NR2F1-AS1: variants seen among roughly 807,000 people sequenced by gnomAD.
NR2F1-AS1 encodes NR2F1 antisense RNA 1.
intron 1 of NR2F1-AS1, among the ~76,000 whole-genome samples, chr5:93,574,509 C>T (rs575098082): frequency 1.1e-4 from 16 of 152,048 alleles, no homozygotes; most frequent in Non-Finnish European, 1.8e-4. Context: ...AGAGTCAGAC[C>T]GCCAAAACAG....
chr5:93,520,751 G>A (rs1751484169), intron 4 of NR2F1-AS1, among the ~76,000 whole-genome samples: 1 of 152,012 alleles, frequency 6.6e-6, no homozygotes, highest in African/African-American at 2.4e-5. Flanking sequence ...AGACACAGCT[G>A]AAAAAACAGA....
At chr5:93,501,579 C>T (rs1210293378) in intron 4 of NR2F1-AS1, among the ~76,000 whole-genome samples, 1 of 151,976 alleles carries the variant, frequency 6.6e-6, no homozygotes, top group Admixed American at 6.6e-5. Context: ...GTCTCGAACT[C>T]CTGACCTCAA....
intron 4 of NR2F1-AS1, among the ~76,000 whole-genome samples, chr5:93,478,891 T>C (rs1320771159): frequency 1.3e-5 from 2 of 152,212 alleles, no homozygotes; most frequent in African/African-American, 2.4e-5. Context: ...ACTATATAAC[T>C]CATTCAAACT....
At chr5:93,570,414 A>T (rs1463925354) in intron 1 of NR2F1-AS1, 2 of 152,638 alleles carry the variant, frequency 1.3e-5, no homozygotes, top group African/African-American at 4.8e-5. Context: ...GGGGGAGGAA[A>T]GAGGCTAAAT....
intron 4 of NR2F1-AS1, among the ~76,000 whole-genome samples, chr5:93,412,486 G>A (rs1326287174): frequency 6.6e-6 from 1 of 152,210 alleles, no homozygotes; most frequent in Non-Finnish European, 1.5e-5. Context: ...AGAAGATGGT[G>A]AGACTGGAAT....
Position 93,482,342 on chromosome 5 carries a change from A to G in NR2F1-AS1, n.638+71419T>C, listed in dbSNP as rs768570700. ...GGGCATCACCTCACCCAGGAAGTGC[A>G]AGGGGTCGGTGAACTCCCTCCCCTA... On this transcript the variant is annotated intron_variant and non_coding_transcript_variant, in intron 4 of 5. Transcript: ENST00000660523. 7.2e-5 allele frequency among the ~76,000 whole-genome samples: 11 copies of G among 152,248 alleles called. No individual in the cohort carries two copies. In the South Asian group the frequency reaches 8.3e-4, roughly 12 times the overall value.
chr5:93,582,611 T>C (rs1351388249), upstream of NR2F1-AS1, among the ~76,000 whole-genome samples: 1 of 152,276 alleles, frequency 6.6e-6, no homozygotes, highest in East Asian at 1.9e-4. Context: ...CCATTAAAAA[T>C]TTTTCCAAAC....
chr5:93,499,973 G>A (rs928452623), intron 4 of NR2F1-AS1, among the ~76,000 whole-genome samples: 1 of 152,142 alleles, frequency 6.6e-6, no homozygotes, highest in African/African-American at 2.4e-5. Context: ...AGGTGAAGAA[G>A]CTGCGAAAGA....
intron 4 of NR2F1-AS1, among the ~76,000 whole-genome samples, chr5:93,419,522 G>T (rs766005474): frequency 2.8e-4 from 43 of 152,054 alleles, no homozygotes; most frequent in Non-Finnish European, 5.7e-4. Flanking sequence ...CAGTGCCTGT[G>T]AATAACCACT....
intron 4 of NR2F1-AS1, among the ~76,000 whole-genome samples, chr5:93,490,479 C>T (rs984346147): frequency 3.5e-4 from 49 of 138,314 alleles, no homozygotes; most frequent in African/African-American, 1.2e-3. Context: ...GGGGTAGTGG[C>T]GGTGGCAGTG....
chr5:93,438,368 T>C (rs972901060), intron 4 of NR2F1-AS1, among the ~76,000 whole-genome samples: 1 of 152,174 alleles, frequency 6.6e-6, no homozygotes, highest in African/African-American at 2.4e-5. Flanking sequence ...AGCATCACTA[T>C]ATACCCACTG....
intron 4 of NR2F1-AS1, among the ~76,000 whole-genome samples, chr5:93,544,439 C>A (rs559340323): frequency 6.6e-6 from 1 of 152,192 alleles, no homozygotes; most frequent in African/African-American, 2.4e-5. Context: ...ATAATTTAAT[C>A]TTGGAGAAGA....
chr5:93,570,709 A>T (rs1752736351), intron 1 of NR2F1-AS1: 1 of 152,130 alleles, frequency 6.6e-6, no homozygotes, highest in Non-Finnish European at 1.5e-5. Flanking sequence ...GGGCGAGAGC[A>T]CGGCCTCTAG....
At chr5:93,467,281 T>A (rs1750259327) in intron 4 of NR2F1-AS1, among the ~76,000 whole-genome samples, 1 of 152,138 alleles carries the variant, frequency 6.6e-6, no homozygotes, top group African/African-American at 2.4e-5. Flanking sequence ...AGAAAAAAAC[T>A]CATATGATGC....
At chr5:93,473,224 C>G (rs1580256523) in intron 4 of NR2F1-AS1, among the ~76,000 whole-genome samples, 1 of 151,868 alleles carries the variant, frequency 6.6e-6, no homozygotes, top group South Asian at 2.1e-4. Context: ...GATATGGATA[C>G]TGTCAGATAA....
chr5:93,474,215 T>C (rs970617041), intron 4 of NR2F1-AS1, among the ~76,000 whole-genome samples: 2 of 152,172 alleles, frequency 1.3e-5, no homozygotes, highest in Admixed American at 1.3e-4. Flanking sequence ...TTTGTTAAGA[T>C]GACCAAATTT....
chr5:93,564,122 AAAAAAAAAAAAAAAAAAAAAAAAAAAAAC>A (rs1333138047), intron 1 of NR2F1-AS1, among the ~76,000 whole-genome samples: 1,933 of 80,386 alleles, frequency 0.024, 91 homozygotes, highest in African/African-American at 0.084. Flanking sequence ...AAAAAAAAAA[AAAAAAAAAAAAAAAAAAAAAAAAAAAAAC>A]ACACAACTAC....
chr5:93,441,490 T>C (rs931979632), intron 4 of NR2F1-AS1, among the ~76,000 whole-genome samples: 4 of 152,234 alleles, frequency 2.6e-5, no homozygotes, highest in Admixed American at 6.5e-5. Flanking sequence ...GAAATTCTGG[T>C]GGCCTGGAGG....
chr5:93,553,126 CTTT>C (rs759720424), intron 4 of NR2F1-AS1, among the ~76,000 whole-genome samples: 13 of 133,752 alleles, frequency 9.7e-5, no homozygotes, highest in Non-Finnish European at 2.1e-4. Flanking sequence ...CAGTAATACA[CTTT>C]TTTTTTTTTT....
Sources: gnomAD v4.1 joint callset for allele counts (sites outside exome capture counted in the v4.1 genomes callset) on GRCh38, gnomAD v4.1.1 for gene constraint, MANE v1.5 for transcripts, NCBI Gene and HGNC (gene_info 2026-07-23, HGNC 2026-07-21) for gene names.